KIFAP3: variants seen among roughly 807,000 people sequenced by gnomAD.
KIFAP3 encodes kinesin-associated protein 3.
A neutral mutation model predicts 106.5 loss-of-function variants in KIFAP3; 68 were observed. The observed-to-expected ratio is 0.64, with a 90% CI of 0.53 to 0.78. The LOEUF is 0.78. KIFAP3 is among the 30% of genes least tolerant of loss of function. The pLI, the probability that KIFAP3 is intolerant of heterozygous loss-of-function variation, is 0.00. For synonymous variants in KIFAP3, 320 were observed against 311.5 expected, an observed-to-expected ratio of 1.03 and a Z score of -0.29; for missense variants, 780 against 941.8, an observed-to-expected ratio of 0.83 and a Z score of 2.25.
At chr1:170,036,647 C>G (rs1175911520) in intron 5 of KIFAP3, among the ~76,000 whole-genome samples, 7 of 151,932 alleles carry the variant, frequency 4.6e-5, no homozygotes, top group Non-Finnish European at 8.8e-5. Flanking sequence ...TAGTAATTCC[C>G]AAAGGTATTT....
At chr1:170,055,670 G>A (rs1670810551) in intron 1 of KIFAP3, among the ~76,000 whole-genome samples, 1 of 151,870 alleles carries the variant, frequency 6.6e-6, no homozygotes, top group South Asian at 2.1e-4. Flanking sequence ...CATGCATAAA[G>A]TATCTTTATA....
chr1:169,921,514 A>T lies in KIFAP3; in HGVS notation c.*162T>A, dbSNP rs550323977. ...CAGTATCAACTGTACTTAACAGAAG[A>T]CAGAGGGGCTGGGGTTAATCTGCAG... is the stretch of plus-strand genomic sequence containing the variant. On this transcript the variant is annotated 3_prime_UTR_variant, in exon 20 of 20. Transcript: ENST00000361580. The T allele has an allele frequency of 1.6e-5, 9 of 568,426 alleles. No individual in the cohort carries two copies. The East Asian group carries it at 2.7e-4, about 17-fold the overall frequency. 35.2% of individuals were successfully genotyped at this position (568,426 alleles called of 1,614,324 possible).
At chr1:169,945,010 G>A (rs1379329281) in intron 19 of KIFAP3, among the ~76,000 whole-genome samples, 1 of 152,084 alleles carries the variant, frequency 6.6e-6, no homozygotes, top group Non-Finnish European at 1.5e-5. Context: ...TTTTGCCCAG[G>A]AGCCTGCCTG....
intron 19 of KIFAP3, among the ~76,000 whole-genome samples, chr1:169,927,151 AT>A (rs1663183046): frequency 6.6e-6 from 1 of 152,196 alleles, no homozygotes; most frequent in Non-Finnish European, 1.5e-5. Flanking sequence ...TAGTGACTCT[AT>A]ATACCATTTG....
chr1:169,974,514 T>C (rs1666117196), intron 16 of KIFAP3, among the ~76,000 whole-genome samples: 3 of 151,962 alleles, frequency 2.0e-5, no homozygotes, highest in African/African-American at 7.2e-5. Flanking sequence ...CTATATTGCA[T>C]AGTGGTTCTT....
intron 7 of KIFAP3, among the ~76,000 whole-genome samples, chr1:170,032,980 C>T (rs1669490792): frequency 6.6e-6 from 1 of 151,686 alleles, no homozygotes; most frequent in South Asian, 2.1e-4. Flanking sequence ...AATGCAAATT[C>T]ATGATTGCTA....
intron 1 of KIFAP3, 87 bp downstream of exon 1, chr1:170,074,349 G>A: frequency 6.8e-7 from 1 of 1,474,708 alleles, no homozygotes; most frequent in Non-Finnish European, 9.4e-7. Context: ...CTAAACTAGC[G>A]TTGCCCAGTG....
Position 169,987,305 on chromosome 1 carries a change from A to G in KIFAP3, c.1285-2615T>C, listed in dbSNP as rs573337985. ...CTTCAGTCTGTGCGATGAAGAGGCA[A>G]TAGTGTTCAATCAGACAAGTCCCAT... On this transcript the variant is annotated intron_variant, in intron 11 of 19. Coordinates refer to ENST00000361580, the MANE Select transcript of KIFAP3 (RefSeq NM_014970.4). Among the ~76,000 whole-genome samples the G allele has an allele frequency of 3.3e-3, 506 of 152,158 alleles. 4 individuals carry two copies. The highest frequency in any genetic ancestry group is 6.3e-3 in the Non-Finnish European group (425 of 67,968).
intron 3 of KIFAP3, among the ~76,000 whole-genome samples, chr1:170,044,606 T>C (rs1419494630): frequency 1.3e-5 from 2 of 152,208 alleles, no homozygotes; most frequent in Non-Finnish European, 2.9e-5. Flanking sequence ...AACAGTCTAA[T>C]TGGGGTCAGC....
intron 10 of KIFAP3, among the ~76,000 whole-genome samples, chr1:170,004,260 T>C (rs1667822851): frequency 6.6e-6 from 1 of 151,986 alleles, no homozygotes. Context: ...AGAATAAATA[T>C]TGTGAAAATG....
intron 19 of KIFAP3, among the ~76,000 whole-genome samples, chr1:169,928,821 A>C (rs745880269): frequency 4.6e-5 from 7 of 152,012 alleles, no homozygotes; most frequent in Non-Finnish European, 1.0e-4. Flanking sequence ...GAATGGAGCA[A>C]ATTTTGCCCC....
At chr1:169,984,494 A>T (rs1004861082) in intron 12 of KIFAP3, 88 bp downstream of exon 12, 2 of 548,544 alleles carry the variant, frequency 3.6e-6, no homozygotes, top group African/African-American at 3.8e-5. Flanking sequence ...TTACATAATC[A>T]TTATAATTCT....
chr1:170,062,333 T>C (rs1360505523), intron 1 of KIFAP3, among the ~76,000 whole-genome samples: 1 of 151,842 alleles, frequency 6.6e-6, no homozygotes, highest in African/African-American at 2.4e-5. Context: ...ATATTCATCC[T>C]ATTAACACTG....
chr1:170,053,379 T>C (rs1244229142), intron 2 of KIFAP3, among the ~76,000 whole-genome samples: 3 of 151,976 alleles, frequency 2.0e-5, no homozygotes, highest in African/African-American at 7.2e-5. Context: ...CCCATCCTCA[T>C]GGATAGGAAG....
Position 170,046,880 on chromosome 1 carries a change from A to G in KIFAP3, c.165-14T>C, listed in dbSNP as rs1256701501. On this transcript the variant is annotated splice_polypyrimidine_tract_variant and intron_variant, in intron 2 of 19. Transcript: ENST00000361580. Reference sequence around the variant, plus strand: ...TTAAGTCGAATGCTGTAAGTATAACAGAATTTTTCAACTCACGTATTATAA... The same window carrying G: ...TTAAGTCGAATGCTGTAAGTATAACGGAATTTTTCAACTCACGTATTATAA... The G allele has an allele frequency of 3.9e-6, 6 of 1,555,524 alleles. No individual in the cohort carries two copies. Among genetic ancestry groups the G allele is most frequent in the Non-Finnish European group, 5.2e-6 (6 of 1,149,752 alleles).
At chr1:170,051,103 C>T (rs956548533) in intron 2 of KIFAP3, among the ~76,000 whole-genome samples, 1 of 149,700 alleles carries the variant, frequency 6.7e-6, no homozygotes, top group Admixed American at 6.7e-5. Context: ...ACCTATCTCA[C>T]ATGCAAAGAC....
At chr1:170,062,140 T>C (rs1671195282) in intron 1 of KIFAP3, among the ~76,000 whole-genome samples, 1 of 150,192 alleles carries the variant, frequency 6.7e-6, no homozygotes, top group African/African-American at 2.5e-5. Context: ...TGTGCACATG[T>C]ACCCTAGAAC....
intron 10 of KIFAP3, among the ~76,000 whole-genome samples, chr1:169,995,658 C>T (rs1667333048): frequency 6.6e-6 from 1 of 151,922 alleles, no homozygotes; most frequent in African/African-American, 2.4e-5. Flanking sequence ...AGGAATGAAA[C>T]AGGAAGCTAT....
intron 19 of KIFAP3, among the ~76,000 whole-genome samples, chr1:169,949,815 GT>G (rs1473981662): frequency 6.6e-6 from 1 of 152,064 alleles, no homozygotes; most frequent in Non-Finnish European, 1.5e-5. Context: ...AGCTCTAAAT[GT>G]TGGGAAATCC....
Sources: allele counts gnomAD v4.1 joint callset (sites outside exome capture counted in the v4.1 genomes callset), GRCh38; gene constraint gnomAD v4.1.1; transcripts MANE v1.5; gene names NCBI Gene and HGNC (gene_info 2026-07-23, HGNC 2026-07-21).